ONECUT2: variants seen among roughly 807,000 people sequenced by gnomAD.
ONECUT2 encodes the protein one cut domain family member 2.
A neutral mutation model predicts 27.9 loss-of-function variants in ONECUT2; 10 were observed. The observed-to-expected ratio is 0.36, with a 90% confidence interval of 0.22 to 0.61. ONECUT2 has a LOEUF of 0.61. Ranked by LOEUF, ONECUT2 falls within the 20% of genes least tolerant of loss-of-function variation. The pLI is 0.73. For synonymous variants in ONECUT2, 334 were observed against 315.1 expected, an observed-to-expected ratio of 1.06 and a Z score of -0.64; for missense variants, 686 against 721.0, an observed-to-expected ratio of 0.95 and a Z score of 0.56.
chr18:57,436,953 G>A lies in ONECUT2; in HGVS notation c.1228+9G>A. Reference sequence around the variant, plus strand: ...CGCCTTACGCCTGGCAGGTAAGGCCGGGGCTAGCCAGGGGCCAGGCTGCTG... The same window carrying A: ...CGCCTTACGCCTGGCAGGTAAGGCCAGGGCTAGCCAGGGGCCAGGCTGCTG... On this transcript the variant is annotated intron_variant, in intron 1 of 1. Coordinates refer to ENST00000491143, the MANE Select transcript of ONECUT2 (RefSeq NM_004852.3). This position sits in a 1 kb window ranked among gnomAD's most constrained non-coding sequence, Gnocchi z 5.9. 6.3e-7 allele frequency: 1 copy of A among 1,577,120 alleles called. No homozygotes were observed. Among genetic ancestry groups the A allele is most frequent in the Non-Finnish European group, 8.6e-7 (1 of 1,161,810 alleles).
chr18:57,447,889 G>T lies in ONECUT2; in HGVS notation c.1228+10945G>T, dbSNP rs149648551. Among the ~76,000 whole-genome samples, 7 of 152,274 alleles carry T rather than the reference G, an allele frequency of 4.6e-5. No homozygotes were observed. In the East Asian group the frequency reaches 7.7e-4, roughly 17 times the overall value. On this transcript the variant is annotated intron_variant, in intron 1 of 1. Coordinates refer to ENST00000491143, the MANE Select transcript of ONECUT2 (RefSeq NM_004852.3). ...GATTTCTTGAGAGTCTAGTGATGAG[G>T]CTCTTTTTAATGAAAACCTTGCCAC...
chr18:57,442,241 T>TG (rs141734335), intron 1 of ONECUT2, among the ~76,000 whole-genome samples: 1 of 126,392 alleles, frequency 7.9e-6, no homozygotes, highest in African/African-American at 3.2e-5. Context: ...CTAATTCTTC[T>TG]GGGTTTTTTT....
Position 57,435,831 on chromosome 18 carries a change from G to A in ONECUT2, c.115G>A (p.Gly39Ser). ...CACTTTGCACGGGCCGGCCGGCGGC[G>A]GCAGTGGCGGGGGCGGCGGCGGGGG... ...LGTLHGPAGG[G>S]SGGGGGGGGG... The change falls in exon 1 of 2, where the codon GGC (glycine) becomes AGC (serine). Residue 39 changes from glycine (G) to serine (S), a missense_variant. Physicochemically the swap from Gly to Ser is moderately conservative, Grantham distance 56. Around this residue, in one of 4 missense-constraint regions of ONECUT2, gnomAD observed 511 missense variants for 488.1 expected, o/e 1.05. Transcript: ENST00000491143. The A allele has an allele frequency of 9.1e-7, 1 of 1,096,610 alleles. No individual in the cohort carries two copies. The highest frequency in any genetic ancestry group is 1.1e-6 in the Non-Finnish European group (1 of 887,750). The allele number at this position is 1,096,610 out of a possible 1,614,324, so 67.9% of individuals were successfully genotyped here.
rs992683214 is a variant in ONECUT2, at chr18:57,482,529, G to C, written c.*5806G>C. 2.0e-5 allele frequency: 3 copies of C among 152,178 alleles called. No homozygotes were observed. Among genetic ancestry groups the C allele is most frequent in the African/African-American group, 7.2e-5 (3 of 41,434 alleles). The allele number at this position is 152,178 out of a possible 1,614,324, so 9.4% of individuals were successfully genotyped here. The stretch of plus-strand genomic sequence containing the variant: ...TAACCAGCTAATACCTTTTCTAGTG[G>C]AGAAAAAGACATTGCTACCAGCTTG... On this transcript the variant is annotated 3_prime_UTR_variant, in exon 2 of 2. Coordinates refer to ENST00000491143, the MANE Select transcript of ONECUT2 (RefSeq NM_004852.3).
intron 1 of ONECUT2, among the ~76,000 whole-genome samples, chr18:57,449,202 C>T (rs2050216430): frequency 6.6e-6 from 1 of 152,178 alleles, no homozygotes; most frequent in South Asian, 2.1e-4. Flanking sequence ...GACCATCCCT[C>T]CCTTTGCATT....
intron 1 of ONECUT2, among the ~76,000 whole-genome samples, chr18:57,443,678 A>G (rs1425049410): frequency 2.6e-5 from 4 of 152,112 alleles, no homozygotes; most frequent in African/African-American, 7.2e-5. Context: ...GGATTGTGTG[A>G]CCCAGCCCAT....
chr18:57,484,613 C>T lies in ONECUT2; in HGVS notation c.*7890C>T, dbSNP rs2050430104. On this transcript the variant is annotated 3_prime_UTR_variant, in exon 2 of 2. Transcript: ENST00000491143. ...AATGGCCTTCAGTCCTAGCCATGGC[C>T]TCTATCCCCGCTGGGACCTGTCACA... 1 of 152,462 alleles carries T rather than the reference C, an allele frequency of 6.6e-6. No homozygotes were observed. Among genetic ancestry groups the T allele is most frequent in the Non-Finnish European group, 1.5e-5 (1 of 68,046 alleles). 9.4% of individuals were successfully genotyped at this position (152,462 alleles called of 1,614,324 possible).
At chr18:57,453,347 T>C (rs1335595339) in intron 1 of ONECUT2, among the ~76,000 whole-genome samples, 4 of 152,236 alleles carry the variant, frequency 2.6e-5, no homozygotes, top group Non-Finnish European at 5.9e-5. Flanking sequence ...AAGGAAAACA[T>C]TTTAAGCCTT....
At chr18:57,461,471 A>T (rs2050290926) in intron 1 of ONECUT2, among the ~76,000 whole-genome samples, 1 of 152,196 alleles carries the variant, frequency 6.6e-6, no homozygotes, top group African/African-American at 2.4e-5. Flanking sequence ...GAGTTTCTTC[A>T]GAAGCAAACC....
intron 1 of ONECUT2, among the ~76,000 whole-genome samples, chr18:57,460,407 A>G (rs746553784): frequency 6.6e-6 from 1 of 152,116 alleles, no homozygotes; most frequent in Non-Finnish European, 1.5e-5. Context: ...ATAATATATT[A>G]TATTCCCTTA....
rs532853499 is a variant in ONECUT2, at chr18:57,461,866, G to C, written c.1229-14571G>C. 2.0e-5 allele frequency among the ~76,000 whole-genome samples: 3 copies of C among 152,360 alleles called. No individual in the cohort carries two copies. The South Asian group carries it at 6.2e-4, about 32-fold the overall frequency. On this transcript the variant is annotated intron_variant, in intron 1 of 1. Transcript: ENST00000491143. ...TGAAGGTACTGGCAGTTAGAAGTTG[G>C]GCTGTCGTGCCCCGCAGTGGTGAAG...
Position 57,435,811 on chromosome 18 carries a change from T to C in ONECUT2, c.95T>C (p.Leu32Ser). The stretch of plus-strand genomic sequence containing the variant: ...CTGACAATGGAAAGTCTGGGCACTT[T>C]GCACGGGCCGGCCGGCGGCGGCAGT... ...PELTMESLGTLHGPAGGGSGG... is the reference protein window; with the variant it reads ...PELTMESLGTSHGPAGGGSGG... The change falls in exon 1 of 2, where the codon TTG becomes TCG. Residue 32 changes from leucine (L) to serine (S), a missense_variant. Transcript: ENST00000491143. 1.7e-6 allele frequency: 2 copies of C among 1,145,258 alleles called. No homozygotes were observed. The highest frequency in any genetic ancestry group is 2.2e-6 in the Non-Finnish European group (2 of 910,884). The allele number at this position is 1,145,258 out of a possible 1,614,324, so 70.9% of individuals were successfully genotyped here. A position where few individuals can be genotyped will look rare whatever the true frequency, so the allele number is the denominator to read the frequency against.
rs532108455 is a variant in ONECUT2 at position 57,479,665 on chromosome 18, T to C, written c.*2942T>C. 1.1e-4 allele frequency: 17 copies of C among 152,750 alleles called. No individual in the cohort carries two copies. Among genetic ancestry groups the C allele is most frequent in the African/African-American group, 4.1e-4 (17 of 41,566 alleles). The allele number at this position is 152,750 out of a possible 1,614,324, so 9.5% of individuals were successfully genotyped here. ...TCTCTATTCTATCCCTCAGCCTCGA[T>C]TAAGGTGGTGAGTGAAGTGCATCCA... On this transcript the variant is annotated 3_prime_UTR_variant, in exon 2 of 2. Coordinates refer to ENST00000491143, the MANE Select transcript of ONECUT2 (RefSeq NM_004852.3).
At chr18:57,465,489 T>C (rs896411541) in intron 1 of ONECUT2, among the ~76,000 whole-genome samples, 5 of 152,362 alleles carry the variant, frequency 3.3e-5, no homozygotes, top group Middle Eastern at 3.4e-3. Context: ...TACTTTTTCA[T>C]TACATATGGT....
Position 57,478,239 on chromosome 18 carries a change from A to G in ONECUT2, c.*1516A>G, listed in dbSNP as rs1028320612. ...TCCCATAGCAAGTGGAAGAGCGCCC[A>G]CAGAACTCTGGGAGATTGCAAAGGT... On this transcript the variant is annotated 3_prime_UTR_variant, in exon 2 of 2. Transcript: ENST00000491143. 2 of 152,490 alleles carry G rather than the reference A, an allele frequency of 1.3e-5. No individual in the cohort carries two copies. The highest frequency in any genetic ancestry group is 4.8e-5 in the African/African-American group (2 of 41,448). 9.4% of individuals were successfully genotyped at this position (152,490 alleles called of 1,614,324 possible). A position where few individuals can be genotyped will look rare whatever the true frequency, so the allele number is the denominator to read the frequency against.
intron 1 of ONECUT2, 125 bp downstream of exon 1, chr18:57,437,069 C>A: frequency 7.0e-7 from 1 of 1,421,162 alleles, no homozygotes; most frequent in East Asian, 2.5e-5. Context: ...TATACACGTC[C>A]TCTTTCTTCT....
At chr18:57,448,381 G>A (rs2144307472) in intron 1 of ONECUT2, among the ~76,000 whole-genome samples, 1 of 152,160 alleles carries the variant, frequency 6.6e-6, no homozygotes, top group Middle Eastern at 3.4e-3. Context: ...GTAAAAGGAG[G>A]GAAAATCCAT....
intron 1 of ONECUT2, among the ~76,000 whole-genome samples, chr18:57,450,823 A>G (rs1310968417): frequency 6.6e-6 from 1 of 152,086 alleles, no homozygotes; most frequent in Non-Finnish European, 1.5e-5. Context: ...ACCTGTGAAG[A>G]AAAAAAACAG....
chr18:57,466,831 C>T (rs2050323809), intron 1 of ONECUT2, among the ~76,000 whole-genome samples: 2 of 152,238 alleles, frequency 1.3e-5, no homozygotes, highest in South Asian at 4.1e-4. Flanking sequence ...AGCAGCTGAC[C>T]TAGACCATCT....
Sources: allele counts gnomAD v4.1 joint callset (sites outside exome capture counted in the v4.1 genomes callset), GRCh38; gene constraint gnomAD v4.1.1; regional missense constraint gnomAD v4.1.1; non-coding constraint Gnocchi (gnomAD v3.1); transcripts MANE v1.5; gene names NCBI Gene and HGNC (gene_info 2026-07-23, HGNC 2026-07-21).